The following DIDO1 variants were observed in gnomAD, a reference collection of about 807,000 sequenced individuals.
DIDO1 encodes death inducer-obliterator 1.
DIDO1 carries 16 observed loss-of-function variants against 99.4 expected under a neutral mutation model. The observed-to-expected ratio is 0.16, with a 90% CI of 0.11 to 0.24. DIDO1 has a LOEUF of 0.24. DIDO1 is among the 10% of genes least tolerant of loss of function. DIDO1 has a pLI of 1.00. For synonymous variants in DIDO1, 1,366 were observed against 1,239.1 expected (o/e 1.10, Z -2.15); for missense variants, 2,996 against 3,014.0 (o/e 0.99, Z 0.14).
chr20:62,918,070 G>T (rs1369294028), intron 1 of DIDO1, among the ~76,000 whole-genome samples: 1 of 152,112 alleles, frequency 6.6e-6, no homozygotes, highest in Non-Finnish European at 1.5e-5. Flanking sequence ...CTTCCACAAG[G>T]GTTCTGTAAC....
At chr20:62,897,812 G>A (rs1489759403) in intron 6 of DIDO1, among the ~76,000 whole-genome samples, 4 of 152,180 alleles carry the variant, frequency 2.6e-5, no homozygotes, top group Admixed American at 6.5e-5. Flanking sequence ...GGGGACAGAC[G>A]GCGTGCCAGG....
At position 62,894,762 on chromosome 20, in the gene DIDO1, G is replaced by A. The variant is rs747660688; in HGVS notation, c.2436+48C>T. The A allele has an allele frequency of 6.4e-7, 1 of 1,564,746 alleles. No homozygotes were observed. Among genetic ancestry groups the A allele is most frequent in the Non-Finnish European group, 8.7e-7 (1 of 1,149,230 alleles). On this transcript the variant is annotated intron_variant, in intron 10 of 15. Transcript: ENST00000395343. The surrounding 1 kb of genome is among the most constrained non-coding windows in gnomAD (Gnocchi z 4.4). ...TTTAAGATAACCTCAAAACATTTGGGATGGATTAGTCTATTCTCGGTGAAC... is the reference window on the plus strand; with the variant it reads ...TTTAAGATAACCTCAAAACATTTGGAATGGATTAGTCTATTCTCGGTGAAC...
chr20:62,896,587 T>C lies in DIDO1; in HGVS notation c.1998A>G (p.Pro666=), dbSNP rs1417915265. 2 of 1,595,310 alleles carry C rather than the reference T, an allele frequency of 1.3e-6. No homozygotes were observed. The highest frequency in any genetic ancestry group is 1.8e-5 in the Admixed American group (1 of 55,282). ...LGAMSAAPSQ[P]NSQIRQNIRR... ...TGATATTTTGCCGAATTTGTGAATT[T>C]GGCTGCGATGGTGCAGCACTCATAG... The change falls in exon 7 of 16, where the codon CCA becomes CCG. Residue 666 remains proline (P), a synonymous_variant. Transcript: ENST00000395343. The surrounding 1 kb of genome is among the most constrained non-coding windows in gnomAD (Gnocchi z 4.4).
At chr20:62,936,138 C>A (rs964382504) in intron 1 of DIDO1, among the ~76,000 whole-genome samples, 3 of 152,202 alleles carry the variant, frequency 2.0e-5, no homozygotes, top group Admixed American at 1.3e-4. Flanking sequence ...TCAGGCTGGG[C>A]ATGGTGGCTG....
At chr20:62,895,255 T>G in intron 8 of DIDO1, 90 bp from the exon 9 acceptor site, 3 of 1,242,650 alleles carry the variant, frequency 2.4e-6, no homozygotes, top group Non-Finnish European at 2.3e-6. Flanking sequence ...CCCAGAAGTT[T>G]AGCGGGCACA....
chr20:62,881,901 TCCTCTG>T lies in DIDO1; in HGVS notation c.4049_4054del (p.Ala1350_Glu1351del), dbSNP rs2064213861. 1.2e-6 allele frequency: 2 copies of T among 1,613,252 alleles called. No individual in the cohort carries two copies. The highest frequency in any genetic ancestry group is 2.7e-5 in the African/African-American group (2 of 74,890). Reference sequence around the variant, plus strand: ...TAACAACGGAGGTGCCGGCACCCCGTCCTCTGCTGTGGTTTTGGGCTCCTGGGGGAG... The same window carrying T: ...TAACAACGGAGGTGCCGGCACCCCGTCTGTGGTTTTGGGCTCCTGGGGGAG... On this transcript the variant is annotated inframe_deletion, in exon 16 of 16. Transcript: ENST00000395343. This position sits in a 1 kb window ranked among gnomAD's most constrained non-coding sequence, Gnocchi z 8.3.
Position 62,896,628 on chromosome 20 carries a change from G to T in DIDO1, c.1957C>A (p.Pro653Thr). 1 of 1,613,954 alleles carries T rather than the reference G, an allele frequency of 6.2e-7. No individual in the cohort carries two copies. The highest frequency in any genetic ancestry group is 1.1e-5 in the South Asian group (1 of 91,076). The change falls in exon 7 of 16, where the codon CCA becomes ACA. Residue 653 changes from proline to threonine, a missense_variant. By Grantham distance (38) the Pro-to-Thr change is conservative (BLOSUM62 -1). Transcript: ENST00000395343. The surrounding 1 kb of genome is among the most constrained non-coding windows in gnomAD (Gnocchi z 4.4). The stretch of plus-strand genomic sequence containing the variant: ...GCACTCATAGCCCCAAGGCGTCCTG[G>T]GGCTGGCGAGGCCATTGGAACAGAA... ...VPSVPMASPA[P>T]GRLGAMSAAP... is the part of the protein sequence containing the mutation.
At chr20:62,907,526 A>G (rs2062909771) in intron 4 of DIDO1, among the ~76,000 whole-genome samples, 167 bp from the exon 5 acceptor site, 1 of 152,254 alleles carries the variant, frequency 6.6e-6, no homozygotes, top group Non-Finnish European at 1.5e-5. Flanking sequence ...AGCTATGAAA[A>G]AGCCAGGTAA....
chr20:62,891,139 C>A lies in DIDO1; in HGVS notation c.3362G>T (p.Arg1121Leu). ...SSVSKELCLI[R>L]FHPATEEEEV... Reference sequence around the variant, plus strand: ...CTCTTCCTCTGTGGCGGGGTGGAAGCGGATCAGACAGAGCTCCTGCAATGG... The same window carrying A: ...CTCTTCCTCTGTGGCGGGGTGGAAGAGGATCAGACAGAGCTCCTGCAATGG... Residue 1121 changes from arginine to leucine, a missense_variant, in exon 15 of 16, where the codon CGC becomes CTC. Around this residue, in one of 5 missense-constraint regions of DIDO1, gnomAD observed 135 missense variants for 202.3 expected, o/e 0.67. Coordinates refer to ENST00000395343, the MANE Select transcript of DIDO1 (RefSeq NM_001193369.2). 6.2e-7 allele frequency: 1 copy of A among 1,613,966 alleles called. No homozygotes were observed. Among genetic ancestry groups the A allele is most frequent in the Non-Finnish European group, 8.5e-7 (1 of 1,180,020 alleles).
chr20:62,882,836 T>C (rs1048869332), intron 15 of DIDO1, among the ~76,000 whole-genome samples: 8 of 151,846 alleles, frequency 5.3e-5, no homozygotes, highest in East Asian at 1.9e-4. Flanking sequence ...AAAAGGGCAT[T>C]GTCGCACATG....
In DIDO1 at chr20:62,877,980, A is replaced by G. The variant is rs1310756585; in HGVS notation, c.*1253T>C. ...GATGTTGGAACGTGACACCTACTTT[A>G]ATGTAATTTAACCTATGGACACTTG... On this transcript the variant is annotated 3_prime_UTR_variant, in exon 16 of 16. Transcript: ENST00000395343. 1 of 152,220 alleles carries G rather than the reference A, an allele frequency of 6.6e-6. No homozygotes were observed. The highest frequency in any genetic ancestry group is 1.5e-5 in the Non-Finnish European group (1 of 68,038). The allele number at this position is 152,220 out of a possible 1,614,324, so 9.4% of individuals were successfully genotyped here.
At chr20:62,929,692 A>AAAAAAAAAAAAAAAAATATATATATATAT, upstream of DIDO1, among the ~76,000 whole-genome samples, 2 of 63,734 alleles carry the variant, frequency 3.1e-5, no homozygotes, top group African/African-American at 1.5e-4. Flanking sequence ...AAAAAGAAAA[A>AAAAAAAAAAAAAAAAATATATATATATAT]GTGTATATAT....
chr20:62,884,462 G>A (rs902166203), intron 15 of DIDO1, among the ~76,000 whole-genome samples: 5 of 152,216 alleles, frequency 3.3e-5, no homozygotes, highest in Admixed American at 1.3e-4. Context: ...TAACGTGACT[G>A]TGGTATACAA....
At position 62,896,514 on chromosome 20, in the gene DIDO1, C is replaced by G; in HGVS notation, c.2054+17G>C. The G allele has an allele frequency of 1.3e-6, 2 of 1,579,590 alleles. No homozygotes were observed. Among genetic ancestry groups the G allele is most frequent in the East Asian group, 4.5e-5 (2 of 44,574 alleles). On this transcript the variant is annotated intron_variant, in intron 7 of 15. Transcript: ENST00000395343. This position sits in a 1 kb window ranked among gnomAD's most constrained non-coding sequence, Gnocchi z 4.4. ...CCTTCCATTTTAATGGGTAAGAAATCAAGCAGAACAGCCCACCTTTTCCAC... is the reference window on the plus strand; with the variant it reads ...CCTTCCATTTTAATGGGTAAGAAATGAAGCAGAACAGCCCACCTTTTCCAC...
At chr20:62,898,784 C>A (rs1188774404) in intron 6 of DIDO1, among the ~76,000 whole-genome samples, 1 of 152,218 alleles carries the variant, frequency 6.6e-6, no homozygotes, top group Non-Finnish European at 1.5e-5. Flanking sequence ...ACGACAGGAA[C>A]AAAGGTGACA....
intron 15 of DIDO1, chr20:62,888,715 A>G (rs1228724100): frequency 5.1e-6 from 5 of 985,456 alleles, no homozygotes; most frequent in Non-Finnish European, 6.0e-6. Flanking sequence ...GCCAGGACAC[A>G]CATGTACATG....
intron 5 of DIDO1, 57 bp downstream of exon 5, chr20:62,907,090 C>T (rs973107095): frequency 1.7e-5 from 27 of 1,583,470 alleles, no homozygotes; most frequent in Non-Finnish European, 2.2e-5. Flanking sequence ...AGTTCTGCGA[C>T]AAACGCTCTC....
At chr20:62,888,865 A>G (rs2064344059) in intron 15 of DIDO1, 2 of 985,350 alleles carry the variant, frequency 2.0e-6, no homozygotes, top group Middle Eastern at 5.2e-4. Context: ...GTCAACAAGG[A>G]CATCAGGAGA....
At chr20:62,918,027 G>A (rs948539600) in intron 1 of DIDO1, among the ~76,000 whole-genome samples, 1 of 152,194 alleles carries the variant, frequency 6.6e-6, no homozygotes. Flanking sequence ...ACATACCTAT[G>A]CTTCAGACAT....
Sources: allele counts gnomAD v4.1 joint callset (sites outside exome capture counted in the v4.1 genomes callset), GRCh38; gene constraint gnomAD v4.1.1; regional missense constraint gnomAD v4.1.1; non-coding constraint Gnocchi (gnomAD v3.1); transcripts MANE v1.5; gene names NCBI Gene and HGNC (gene_info 2026-07-23, HGNC 2026-07-21).